The following NOL4 variants were observed in gnomAD, a reference collection of about 807,000 sequenced individuals.
The protein encoded by NOL4 is cancer/testis antigen 125.
NOL4 carries 17 observed loss-of-function variants against 75.9 expected under a neutral mutation model. The ratio of observed to expected loss-of-function variants is 0.22; its 90% CI spans 0.15 to 0.34. The LOEUF is 0.34. NOL4 is among the 10% of genes least tolerant of loss of function. NOL4 has a pLI of 1.00. For missense variants in NOL4, 614 were observed against 793.5 expected (o/e 0.77, Z 2.72); for synonymous variants, 292 against 289.9 (o/e 1.01, Z -0.07).
chr18:33,958,448 T>A (rs756456805), intron 6 of NOL4, 30 bp from the exon 7 acceptor site: 1 of 1,558,034 alleles, frequency 6.4e-7, no homozygotes, highest in Non-Finnish European at 8.7e-7. Flanking sequence ...TAACTGCTTT[T>A]AAATTCATTG....
intron 1 of NOL4, among the ~76,000 whole-genome samples, chr18:34,137,951 G>T (rs1370989182): frequency 6.6e-6 from 1 of 151,988 alleles, no homozygotes; most frequent in African/African-American, 2.4e-5. Context: ...GCAAAATGTG[G>T]CATAACCATA....
intron 6 of NOL4, among the ~76,000 whole-genome samples, chr18:33,989,535 T>C (rs914988731): frequency 1.3e-5 from 2 of 152,118 alleles, no homozygotes; most frequent in South Asian, 2.1e-4. Flanking sequence ...CTACTAAGGA[T>C]ATTTGCTTAA....
intron 5 of NOL4, among the ~76,000 whole-genome samples, chr18:34,086,771 C>T (rs982614554): frequency 2.6e-5 from 4 of 151,944 alleles, no homozygotes; most frequent in African/African-American, 9.7e-5. Flanking sequence ...TGTGCGTGTT[C>T]TAAAGTCCAG....
chr18:34,142,365 T>C (rs2081207176), intron 1 of NOL4, among the ~76,000 whole-genome samples: 1 of 152,196 alleles, frequency 6.6e-6, no homozygotes, highest in Non-Finnish European at 1.5e-5. Context: ...CATGCTGCTA[T>C]AAAGACATAT....
chr18:33,942,408 A>G (rs1275079135), intron 9 of NOL4, among the ~76,000 whole-genome samples: 1 of 151,884 alleles, frequency 6.6e-6, no homozygotes, highest in Non-Finnish European at 1.5e-5. Context: ...AGAAATATAC[A>G]GATAACCCAA....
At chr18:33,863,230 A>T (rs1203929320) in intron 10 of NOL4, among the ~76,000 whole-genome samples, 8 of 151,096 alleles carry the variant, frequency 5.3e-5, no homozygotes, top group Non-Finnish European at 1.2e-4. Context: ...ATGAGAACAC[A>T]TGGACACAGG....
rs79515049 is a variant in NOL4 at position 34,014,982 on chromosome 18, C to T, written c.1056+4336G>A. ...AATATTAAACTCACTGGAATCTAAGCTTTTCACATATTCTATATAATTAAG... is the reference window on the plus strand; with the variant it reads ...AATATTAAACTCACTGGAATCTAAGTTTTTCACATATTCTATATAATTAAG... On this transcript the variant is annotated intron_variant, in intron 6 of 10. Coordinates refer to ENST00000261592, the MANE Select transcript of NOL4 (RefSeq NM_003787.5). Among the ~76,000 whole-genome samples, 503 of 152,052 alleles carry T rather than the reference C, an allele frequency of 3.3e-3. 3 individuals are homozygous for T. Among genetic ancestry groups the T allele is most frequent in the African/African-American group, 0.011 (477 of 41,512 alleles).
intron 9 of NOL4, 109 bp downstream of exon 9, chr18:33,942,950 ATATCTC>A: frequency 1.5e-6 from 1 of 675,208 alleles, no homozygotes; most frequent in Non-Finnish European, 2.5e-6. Flanking sequence ...CACAAAAACT[ATATCTC>A]TGTGTACTTT....
intron 6 of NOL4, among the ~76,000 whole-genome samples, chr18:33,972,570 TAA>T: frequency 6.6e-6 from 1 of 152,258 alleles, no homozygotes; most frequent in Admixed American, 6.5e-5. Context: ...CTCAAAAAAT[TAA>T]AGATAGGACT....
intron 5 of NOL4, among the ~76,000 whole-genome samples, chr18:34,073,741 G>T (rs2077620667): frequency 6.6e-6 from 1 of 151,982 alleles, no homozygotes; most frequent in Non-Finnish European, 1.5e-5. Flanking sequence ...ATATTAAGTA[G>T]TGAAGCTACA....
At chr18:33,899,450 A>G (rs956653013) in intron 9 of NOL4, among the ~76,000 whole-genome samples, 1 of 152,116 alleles carries the variant, frequency 6.6e-6, no homozygotes, top group African/African-American at 2.4e-5. Context: ...GCAAGCAGAA[A>G]TAGTTTGGAC....
chr18:34,191,360 C>T (rs1211150827), intron 1 of NOL4, among the ~76,000 whole-genome samples: 1 of 152,092 alleles, frequency 6.6e-6, no homozygotes, highest in East Asian at 1.9e-4. Context: ...TAATTGACCA[C>T]TTGTCAGTTA....
At position 34,071,438 on chromosome 18, in the gene NOL4, G is replaced by GACACACACACACAC. The variant is rs61428886; in HGVS notation, c.772+22013_772+22026dup. Among the ~76,000 whole-genome samples the GACACACACACACAC allele has an allele frequency of 7.9e-3, 1,165 of 147,782 alleles. 13 individuals are homozygous for GACACACACACACAC. Among genetic ancestry groups the GACACACACACACAC allele is most frequent in the African/African-American group, 0.025 (995 of 40,098 alleles). On this transcript the variant is annotated intron_variant, in intron 5 of 10. Coordinates refer to ENST00000261592, the MANE Select transcript of NOL4 (RefSeq NM_003787.5). ...ACACAAATAGACAGACAGACAGACA[G>GACACACACACACAC]ACACACACACACACACACACACACA...
intron 10 of NOL4, among the ~76,000 whole-genome samples, chr18:33,865,698 T>G (rs375126277): frequency 8.5e-5 from 13 of 152,116 alleles, no homozygotes; most frequent in African/African-American, 2.4e-4. Context: ...TACCCTTTGA[T>G]TAGAGAAAAG....
At chr18:33,872,101 A>C (rs1195904811) in intron 10 of NOL4, among the ~76,000 whole-genome samples, 1 of 152,068 alleles carries the variant, frequency 6.6e-6, no homozygotes, top group Non-Finnish European at 1.5e-5. Context: ...ATATCAATTA[A>C]ATTATAGGTC....
At chr18:33,931,258 G>A (rs189604680) in intron 9 of NOL4, among the ~76,000 whole-genome samples, 1 of 152,122 alleles carries the variant, frequency 6.6e-6, no homozygotes, top group African/African-American at 2.4e-5. Flanking sequence ...TAGACTATTC[G>A]GTCCATAGCA....
chr18:33,953,898 A>C (rs995365326), intron 8 of NOL4, among the ~76,000 whole-genome samples: 1 of 152,182 alleles, frequency 6.6e-6, no homozygotes, highest in Non-Finnish European at 1.5e-5. Flanking sequence ...GTAACTGCCC[A>C]AAAGCAGGTA....
chr18:34,205,247 G>T (rs1232543469), intron 1 of NOL4, among the ~76,000 whole-genome samples: 1 of 152,086 alleles, frequency 6.6e-6, no homozygotes, highest in Non-Finnish European at 1.5e-5. Context: ...TGAAGTAATA[G>T]ACAGTTTTCA....
intron 2 of NOL4, among the ~76,000 whole-genome samples, chr18:34,119,899 G>C (rs1456357988): frequency 6.6e-6 from 1 of 152,082 alleles, no homozygotes; most frequent in Non-Finnish European, 1.5e-5. Flanking sequence ...TGGGATTACA[G>C]GCTTAAGCCA....
Sources: allele counts gnomAD v4.1 joint callset (sites outside exome capture counted in the v4.1 genomes callset), GRCh38; gene constraint gnomAD v4.1.1; transcripts MANE v1.5; gene names NCBI Gene and HGNC (gene_info 2026-07-23, HGNC 2026-07-21).